Variants in SLAIN1 observed in about 807,000 individuals in gnomAD.
The protein encoded by SLAIN1 is SLAIN family member 1.
Under a neutral mutation model 55.4 loss-of-function variants are expected in SLAIN1, and 17 were observed. That is an observed-to-expected ratio of 0.31 (90% CI 0.21 to 0.46). The LOEUF is 0.46. Ranked by LOEUF, SLAIN1 falls within the 20% of genes least tolerant of loss-of-function variation. The probability of loss-of-function intolerance (pLI) is 1.00; values close to 1 mark genes in which losing one functional copy is unlikely to be tolerated. For missense variants in SLAIN1, 682 were observed against 785.1 expected (o/e 0.87, Z 1.57); for synonymous variants, 348 against 337.4 (o/e 1.03, Z -0.35).
In SLAIN1 at chr13:77,761,085, A is replaced by G; in HGVS notation, c.1672A>G (p.Ser558Gly). 6.2e-7 allele frequency: 1 copy of G among 1,614,174 alleles called. No individual in the cohort carries two copies. Among genetic ancestry groups the G allele is most frequent in the Non-Finnish European group, 8.5e-7 (1 of 1,180,004 alleles). Residue 558 changes from serine to glycine, a missense_variant, in exon 6 of 7, where the codon AGC (serine) becomes GGC (glycine). Around this residue, in one of 3 missense-constraint regions of SLAIN1, gnomAD observed 244 missense variants for 295.2 expected, o/e 0.83. Transcript: ENST00000418532. ...AATAAATGGGAGTAACCTGCCTCGAAGCAAAATTGCACAACCTGTTAGAAG... is the reference window on the plus strand; with the variant it reads ...AATAAATGGGAGTAACCTGCCTCGAGGCAAAATTGCACAACCTGTTAGAAG... ...LAINGSNLPRSKIAQPVRSFL... is the reference protein window; with the variant it reads ...LAINGSNLPRGKIAQPVRSFL...
In SLAIN1 at chr13:77,756,408, G is replaced by A. The variant is rs1382973287; in HGVS notation, c.1414+3050G>A. Among the ~76,000 whole-genome samples the A allele has an allele frequency of 2.6e-5, 4 of 151,984 alleles. No homozygotes were observed. The East Asian group carries it at 5.8e-4, about 22-fold the overall frequency. ...GAAGTTTTGTAGCTTTCTATATAGA[G>A]GTTTTATGTTTCTATAGTTAAATTA... On this transcript the variant is annotated intron_variant, in intron 5 of 6. Transcript: ENST00000418532.
chr13:77,714,025 G>T (rs986762317), intron 1 of SLAIN1, among the ~76,000 whole-genome samples: 1 of 152,022 alleles, frequency 6.6e-6, no homozygotes. Flanking sequence ...CCTGTCGAGG[G>T]GTGGGGGGCT....
intron 1 of SLAIN1, among the ~76,000 whole-genome samples, chr13:77,709,683 C>G (rs1566220800): frequency 6.6e-6 from 1 of 152,166 alleles, no homozygotes; most frequent in Non-Finnish European, 1.5e-5. Context: ...AAAATAAAAT[C>G]CTTTACAGAC....
chr13:77,740,852 A>G (rs1232620719), intron 2 of SLAIN1, among the ~76,000 whole-genome samples: 1 of 151,786 alleles, frequency 6.6e-6, no homozygotes, highest in East Asian at 1.9e-4. Flanking sequence ...GATAGCTTCC[A>G]CTCCTGTCCT....
At chr13:77,738,221 T>TACATATATACACATACATATATAC (rs5741973) in intron 2 of SLAIN1, among the ~76,000 whole-genome samples, 2 of 150,372 alleles carry the variant, frequency 1.3e-5, no homozygotes, top group Non-Finnish European at 3.0e-5. Context: ...CATATACACA[T>TACATATATACACATACATATATAC]ACATATATAC....
intron 1 of SLAIN1, chr13:77,699,181 A>G: frequency 1.2e-6 from 1 of 835,474 alleles, no homozygotes; most frequent in Non-Finnish European, 1.8e-6. Context: ...TTTCCCATAA[A>G]TAGTGCCAAT....
chr13:77,763,211 T>G lies in SLAIN1; in HGVS notation c.1764T>G (p.Gly588=). 1 of 1,613,730 alleles carries G rather than the reference T, an allele frequency of 6.2e-7. No individual in the cohort carries two copies. The highest frequency in any genetic ancestry group is 8.5e-7 in the Non-Finnish European group (1 of 1,179,620). Residue 588 remains glycine (G), a synonymous_variant, in exon 7 of 7, where the codon GGT becomes GGG. Transcript: ENST00000418532. ...STLRDGNWRD[G]CY ...TGAGGGATGGAAATTGGAGAGATGG[T>G]TGCTACTAATGCAGTTTTATGTACC...
chr13:77,730,172 G>A (rs114471425), intron 2 of SLAIN1, among the ~76,000 whole-genome samples: 38 of 152,266 alleles, frequency 2.5e-4, no homozygotes, highest in African/African-American at 8.2e-4. Flanking sequence ...CTAGACATGT[G>A]TGCAGCGTCT....
Position 77,698,927 on chromosome 13 carries a change from G to A in SLAIN1, c.626+388G>A. ...GTTTTCGGAGGGATGACGGGGGATG[G>A]TAGGGGTTGGCCTCTGTCTGCGACT... On this transcript the variant is annotated intron_variant, in intron 1 of 6. Transcript: ENST00000418532. The surrounding 1 kb of genome is among the most constrained non-coding windows in gnomAD (Gnocchi z 4.1). 5 of 1,533,792 alleles carry A rather than the reference G, an allele frequency of 3.3e-6. No homozygotes were observed. Among genetic ancestry groups the A allele is most frequent in the Non-Finnish European group, 4.4e-6 (5 of 1,146,562 alleles).
intron 4 of SLAIN1, among the ~76,000 whole-genome samples, chr13:77,751,409 G>T (rs553266926): frequency 3.7e-4 from 56 of 152,224 alleles, no homozygotes; most frequent in African/African-American, 1.3e-3. Flanking sequence ...GAGAAGCACT[G>T]GTCTAGACTA....
At chr13:77,737,723 T>C (rs527529058) in intron 2 of SLAIN1, among the ~76,000 whole-genome samples, 2 of 152,210 alleles carry the variant, frequency 1.3e-5, no homozygotes, top group African/African-American at 4.8e-5. Context: ...GTGTTTAGAT[T>C]CCCCCAGAAA....
At chr13:77,700,198 T>G (rs1267609719) in intron 1 of SLAIN1, among the ~76,000 whole-genome samples, 2 of 152,202 alleles carry the variant, frequency 1.3e-5, no homozygotes, top group Non-Finnish European at 2.9e-5. Flanking sequence ...TTACTAGCAT[T>G]TTGGTACCTA....
Position 77,753,205 on chromosome 13 carries a change from A to G in SLAIN1, c.1261A>G (p.Lys421Glu). The change falls in exon 5 of 7, where the codon AAG becomes GAG. Residue 421 changes from lysine (K) to glutamate (E), a missense_variant and splice_region_variant. Coordinates refer to ENST00000418532, the MANE Select transcript of SLAIN1 (RefSeq NM_001242868.2). ...DQQPNRTNGD[K>E]LRRSMPNLAR... ...AACTTAGTAAAATTCTTTTCCAGAT[A>G]AGCTCCGAAGAAGTATGCCTAACCT... 1 of 1,575,666 alleles carries G rather than the reference A, an allele frequency of 6.3e-7. No individual in the cohort carries two copies. The highest frequency in any genetic ancestry group is 8.6e-7 in the Non-Finnish European group (1 of 1,165,600).
intron 2 of SLAIN1, among the ~76,000 whole-genome samples, chr13:77,726,331 A>T (rs1024299258): frequency 6.6e-6 from 1 of 152,210 alleles, no homozygotes; most frequent in African/African-American, 2.4e-5. Flanking sequence ...ATATAATAAG[A>T]TAGTTATTTT....
chr13:77,708,727 A>G (rs928020210), intron 1 of SLAIN1, among the ~76,000 whole-genome samples: 1 of 152,200 alleles, frequency 6.6e-6, no homozygotes, highest in African/African-American at 2.4e-5. Flanking sequence ...CATCAATAAA[A>G]AGGACGTCCA....
In SLAIN1 at chr13:77,739,622, A is replaced by T. The variant is rs547458240; in HGVS notation, c.767-4661A>T. Among the ~76,000 whole-genome samples the T allele has an allele frequency of 1.4e-4, 22 of 152,212 alleles. No homozygotes were observed. In the East Asian group the frequency reaches 2.1e-3, roughly 15 times the overall value. Reference sequence around the variant, plus strand: ...TGTAGAGACATGTCTATTTAACAACAATTTGAATACTTTGAGTCTAAGCAA... The same window carrying T: ...TGTAGAGACATGTCTATTTAACAACTATTTGAATACTTTGAGTCTAAGCAA... On this transcript the variant is annotated intron_variant, in intron 2 of 6. Coordinates refer to ENST00000418532, the MANE Select transcript of SLAIN1 (RefSeq NM_001242868.2).
chr13:77,731,777 G>A (rs761268403), intron 2 of SLAIN1, among the ~76,000 whole-genome samples: 2 of 152,076 alleles, frequency 1.3e-5, no homozygotes, highest in African/African-American at 2.4e-5. Context: ...AGATGGATAC[G>A]GAGAAGGTGC....
In SLAIN1 at chr13:77,760,761, T is replaced by C. The variant is rs1874949313; in HGVS notation, c.1415-67T>C. ...CAGGCATAATGGACTCTTCTGAAAA[T>C]AACACACATTTCCTAAGTCGGATAG... On this transcript the variant is annotated intron_variant, in intron 5 of 6. Transcript: ENST00000418532. 60 of 1,544,298 alleles carry C rather than the reference T, an allele frequency of 3.9e-5. 2 individuals carry two copies. In the South Asian group the frequency reaches 6.8e-4, roughly 18 times the overall value.
At position 77,743,296 on chromosome 13, in the gene SLAIN1, T is replaced by C. The variant is rs1486971255; in HGVS notation, c.767-987T>C. ...TGGAGAGTTTGTGCTGCACACTTAC[T>C]TTGGGTACAAAAGGCCTAGCACTAA... On this transcript the variant is annotated intron_variant, in intron 2 of 6. Coordinates refer to ENST00000418532, the MANE Select transcript of SLAIN1 (RefSeq NM_001242868.2). 4.4e-6 allele frequency: 3 copies of C among 685,484 alleles called. No homozygotes were observed. The African/African-American group carries it at 5.8e-5, about 13-fold the overall frequency. 42.5% of individuals were successfully genotyped at this position (685,484 alleles called of 1,614,324 possible).
Sources: allele counts gnomAD v4.1 joint callset (sites outside exome capture counted in the v4.1 genomes callset), GRCh38; gene constraint gnomAD v4.1.1; regional missense constraint gnomAD v4.1.1; non-coding constraint Gnocchi (gnomAD v3.1); transcripts MANE v1.5; gene names NCBI Gene and HGNC (gene_info 2026-07-23, HGNC 2026-07-21).